SLC16A14: variants seen among roughly 807,000 people sequenced by gnomAD.
SLC16A14 encodes solute carrier family 16 member 14, also known as monocarboxylate transporter 14.
SLC16A14 carries 14 observed loss-of-function variants against 35.8 expected under a neutral mutation model. That is an observed-to-expected ratio of 0.39 (90% CI 0.26 to 0.61). The LOEUF is 0.61. Ranked by LOEUF, SLC16A14 falls within the 20% of genes least tolerant of loss-of-function variation. The pLI is 0.51. For missense variants in SLC16A14, 533 were observed against 655.0 expected (o/e 0.81, Z 2.03); for synonymous variants, 248 against 258.9 (o/e 0.96, Z 0.40).
intron 4 of SLC16A14, among the ~76,000 whole-genome samples, 174 bp from the exon 5 acceptor site, chr2:230,037,705 A>G (rs1212076404): frequency 1.4e-5 from 2 of 141,122 alleles, no homozygotes; most frequent in South Asian, 4.5e-4. Context: ...TTTGTTTTTT[A>G]TATTTTTTGG....
chr2:230,039,406 G>C (rs1423230205), intron 4 of SLC16A14, among the ~76,000 whole-genome samples: 1 of 151,988 alleles, frequency 6.6e-6, no homozygotes, highest in Non-Finnish European at 1.5e-5. Flanking sequence ...AGACAAGGGG[G>C]ACAAAAAAGA....
intron 4 of SLC16A14, among the ~76,000 whole-genome samples, chr2:230,043,574 G>C (rs561060962): frequency 6.6e-6 from 1 of 152,332 alleles, no homozygotes; most frequent in Non-Finnish European, 1.5e-5. Flanking sequence ...GGGGTGGCTG[G>C]GGAGAGGGGA....
chr2:230,060,640 G>C (rs1231049790), intron 1 of SLC16A14, among the ~76,000 whole-genome samples: 2 of 152,054 alleles, frequency 1.3e-5, no homozygotes, highest in Non-Finnish European at 2.9e-5. Context: ...GGTATTACAG[G>C]TGTGAGCCAC....
At chr2:230,044,311 TAA>T (rs372578960) in intron 4 of SLC16A14, among the ~76,000 whole-genome samples, 11 of 134,260 alleles carry the variant, frequency 8.2e-5, no homozygotes, top group Admixed American at 3.0e-4. Flanking sequence ...CGTCTCTACT[TAA>T]AAAAAAAAAA....
chr2:230,049,656 C>A, intron 3 of SLC16A14, 105 bp downstream of exon 3: 3 of 1,231,736 alleles, frequency 2.4e-6, no homozygotes, highest in Non-Finnish European at 2.3e-6. Context: ...GGGGAGGAAA[C>A]AGAACAGAAT....
chr2:230,061,239 A>C (rs1265885818), intron 1 of SLC16A14, among the ~76,000 whole-genome samples: 1 of 152,252 alleles, frequency 6.6e-6, no homozygotes, highest in African/African-American at 2.4e-5. Flanking sequence ...CACTGAAAAA[A>C]TGTTTAGCTG....
At chr2:230,054,452 T>A (rs2077688759) in intron 2 of SLC16A14, among the ~76,000 whole-genome samples, 1 of 152,214 alleles carries the variant, frequency 6.6e-6, no homozygotes, top group Non-Finnish European at 1.5e-5. Flanking sequence ...GCTGATTTAC[T>A]GAGTGTGAGA....
At chr2:230,067,139 G>A (rs1463971679) in intron 1 of SLC16A14, 1 of 158,112 alleles carries the variant, frequency 6.3e-6, no homozygotes, top group Non-Finnish European at 1.4e-5. Flanking sequence ...CTCTTCACCT[G>A]GTGTGTACAG....
rs965051219 is a variant in SLC16A14 at position 230,035,143 on chromosome 2, T to C, written c.*2237A>G. ...ACAGGAAATATTTGCAGTAATTCTT[T>C]ACAGTATTCTCTTTTACTCTGTTGT... On this transcript the variant is annotated 3_prime_UTR_variant, in exon 5 of 5. Transcript: ENST00000295190. 1.3e-5 allele frequency: 2 copies of C among 152,238 alleles called. No individual in the cohort carries two copies. Among genetic ancestry groups the C allele is most frequent in the Non-Finnish European group, 2.9e-5 (2 of 68,038 alleles). The allele number at this position is 152,238 out of a possible 1,614,324, so 9.4% of individuals were successfully genotyped here.
intron 1 of SLC16A14, among the ~76,000 whole-genome samples, chr2:230,062,897 T>C (rs934708848): frequency 5.3e-5 from 8 of 152,234 alleles, no homozygotes; most frequent in African/African-American, 1.9e-4. Flanking sequence ...ACAGCACCTA[T>C]GTGCAGTGCT....
chr2:230,037,055 A>G lies in SLC16A14; in HGVS notation c.*325T>C. On this transcript the variant is annotated 3_prime_UTR_variant, in exon 5 of 5. Coordinates refer to ENST00000295190, the MANE Select transcript of SLC16A14 (RefSeq NM_152527.5). ...CTTTTATTCCCTGTTTTTGTTTTTA[A>G]AAGCTGTATTTAAAACCCTAGTCCC... The G allele has an allele frequency of 6.0e-6, 1 of 166,886 alleles. No individual in the cohort carries two copies. The highest frequency in any genetic ancestry group is 1.6e-4 in the East Asian group (1 of 6,356). 10.3% of individuals were successfully genotyped at this position (166,886 alleles called of 1,614,324 possible). A position where few individuals can be genotyped will look rare whatever the true frequency, so the allele number is the denominator to read the frequency against.
At chr2:230,054,387 G>T (rs2077688125) in intron 2 of SLC16A14, among the ~76,000 whole-genome samples, 1 of 152,118 alleles carries the variant, frequency 6.6e-6, no homozygotes, top group Non-Finnish European at 1.5e-5. Flanking sequence ...ACAGAGAAAG[G>T]GTTATATAGC....
rs1212707254 is a variant in SLC16A14, at chr2:230,038,993, C to T, written c.1382-1462G>A. Among the ~76,000 whole-genome samples the T allele has an allele frequency of 6.6e-5, 10 of 152,020 alleles. No individual in the cohort carries two copies. The highest frequency in any genetic ancestry group is 3.8e-4 in the East Asian group (2 of 5,200). ...TTTTCAGAAACATCTTTAAAAAAAT[C>T]GAATTGGCAAATGAATGCGTAAATG... On this transcript the variant is annotated intron_variant, in intron 4 of 4. Coordinates refer to ENST00000295190, the MANE Select transcript of SLC16A14 (RefSeq NM_152527.5). The surrounding 1 kb of genome is among the most constrained non-coding windows in gnomAD (Gnocchi z 4.4).
In SLC16A14 at chr2:230,059,239, G is replaced by C. The variant is rs750218938; in HGVS notation, c.114C>G (p.Leu38=). 6.2e-7 allele frequency: 1 copy of C among 1,614,196 alleles called. No individual in the cohort carries two copies. The highest frequency in any genetic ancestry group is 8.5e-7 in the Non-Finnish European group (1 of 1,180,032). The change falls in exon 2 of 5, where the codon CTC becomes CTG. Residue 38 remains leucine, a synonymous_variant. Transcript: ENST00000295190. ...TGAGGATGTGCACAAAGAAAGAGGA[G>C]AGCACCATCATCCAAGCCCATCCGC... ...IDGGWAWMMV[L]SSFFVHILIM... is the part of the protein sequence containing the mutation.
At chr2:230,054,617 C>T (rs2077690357) in intron 2 of SLC16A14, among the ~76,000 whole-genome samples, 2 of 152,148 alleles carry the variant, frequency 1.3e-5, no homozygotes, top group Non-Finnish European at 2.9e-5. Flanking sequence ...CAGACTGTTT[C>T]TGTGATTCTG....
At chr2:230,042,726 T>G (rs13388175) in intron 4 of SLC16A14, among the ~76,000 whole-genome samples, 1 of 152,254 alleles carries the variant, frequency 6.6e-6, no homozygotes, top group African/African-American at 2.4e-5. Flanking sequence ...CTTTCCTTCC[T>G]CTAGTACAGA....
chr2:230,040,208 T>G (rs540720697), intron 4 of SLC16A14, among the ~76,000 whole-genome samples: 2 of 141,826 alleles, frequency 1.4e-5, no homozygotes, highest in East Asian at 4.6e-4. Flanking sequence ...AGTCTTAAAT[T>G]GAATTCATTA....
rs188720489 is a variant in SLC16A14 at position 230,060,345 on chromosome 2, T to C, written c.-14-979A>G. On this transcript the variant is annotated intron_variant, in intron 1 of 4. Transcript: ENST00000295190. Reference sequence around the variant, plus strand: ...AGCTAGAGGATGCTAGCTCCTCTTTTGTTTGTTTGTTTTCCTGAGACAGGG... The same window carrying C: ...AGCTAGAGGATGCTAGCTCCTCTTTCGTTTGTTTGTTTTCCTGAGACAGGG... 1.3e-3 allele frequency among the ~76,000 whole-genome samples: 192 copies of C among 152,182 alleles called. 1 individual carries two copies. Among genetic ancestry groups the C allele is most frequent in the African/African-American group, 4.4e-3 (184 of 41,520 alleles).
At position 230,046,818 on chromosome 2, in the gene SLC16A14, C is replaced by T; in HGVS notation, c.404-96G>A. On this transcript the variant is annotated intron_variant, in intron 3 of 4. Coordinates refer to ENST00000295190, the MANE Select transcript of SLC16A14 (RefSeq NM_152527.5). This position sits in a 1 kb window ranked among gnomAD's most constrained non-coding sequence, Gnocchi z 5.0. ...AGATCACCTGCATTTCCTTAATTAG[C>T]ATCTATTTATGCTTTTTATTTCTAA... is the stretch of plus-strand genomic sequence containing the variant. 2 of 1,354,934 alleles carry T rather than the reference C, an allele frequency of 1.5e-6. No homozygotes were observed. The highest frequency in any genetic ancestry group is 2.0e-6 in the Non-Finnish European group (2 of 1,012,582). The allele number at this position is 1,354,934 out of a possible 1,614,324, so 83.9% of individuals were successfully genotyped here.
Sources: gnomAD v4.1 joint callset for allele counts (sites outside exome capture counted in the v4.1 genomes callset) on GRCh38, gnomAD v4.1.1 for gene constraint, Gnocchi (gnomAD v3.1) non-coding constraint, MANE v1.5 for transcripts, NCBI Gene and HGNC (gene_info 2026-07-23, HGNC 2026-07-21) for gene names.